ABCD3: variants seen among roughly 807,000 people sequenced by gnomAD.
ABCD3 encodes ATP-binding cassette sub-family D member 3.
In ABCD3, 41 loss-of-function variants were observed where a neutral mutation model predicts 105.5. The observed-to-expected ratio is 0.39, with a 90% CI of 0.30 to 0.50. ABCD3 has a LOEUF of 0.50. Among genes scored for constraint, ABCD3 ranks in the 20% least tolerant of loss-of-function variants. The probability of loss-of-function intolerance (pLI) is 0.84; values close to 1 mark genes in which losing one functional copy is unlikely to be tolerated. For synonymous variants in ABCD3, 258 were observed against 269.0 expected (o/e 0.96, Z 0.40); for missense variants, 622 against 806.3 (o/e 0.77, Z 2.77).
intron 1 of ABCD3, among the ~76,000 whole-genome samples, chr1:94,440,266 G>A (rs912245597): frequency 1.7e-4 from 26 of 152,180 alleles, no homozygotes; most frequent in African/African-American, 5.8e-4. Flanking sequence ...TTTGATTTAG[G>A]ATAACTTTTC....
the ABCD3 span, among the ~76,000 whole-genome samples, chr1:94,413,055 A>T: frequency 1.5e-4 from 23 of 150,632 alleles, no homozygotes; most frequent in Non-Finnish European, 2.5e-4. Context: ...AATCACAAAA[A>T]AAATGTTTAA....
At position 94,458,643 on chromosome 1, in the gene ABCD3, G is replaced by A; in HGVS notation, c.147G>A (p.Glu49=). ...KSGKPPLQNN[E]KEGKKERAVV... ...GAAAACCACCATTACAGAACAATGA[G>A]GTAAAAGTTTAAATCATCTTCTTTT... Residue 49 remains glutamate (E), a splice_region_variant and synonymous_variant, in exon 2 of 23, where the codon GAG becomes GAA. Coordinates refer to ENST00000370214, the MANE Select transcript of ABCD3 (RefSeq NM_002858.4). 5 of 1,610,940 alleles carry A rather than the reference G, an allele frequency of 3.1e-6. No individual in the cohort carries two copies. Among genetic ancestry groups the A allele is most frequent in the Non-Finnish European group, 4.2e-6 (5 of 1,177,830 alleles).
At chr1:94,395,867 CAGAG>C in the ABCD3 span, among the ~76,000 whole-genome samples, 7 of 151,600 alleles carry the variant, frequency 4.6e-5, no homozygotes, top group Admixed American at 3.9e-4. Flanking sequence ...AAGAGACACA[CAGAG>C]AGACAGACAG....
intron 18 of ABCD3, 29 bp downstream of exon 18, chr1:94,498,877 C>A (rs1283377760): frequency 6.2e-7 from 1 of 1,609,232 alleles, no homozygotes; most frequent in Non-Finnish European, 8.5e-7. Flanking sequence ...TATCTTTGAT[C>A]TAAAGATCTT....
rs541620293 is a variant in ABCD3, at chr1:94,439,687, T to C, written c.111-18920T>C. On this transcript the variant is annotated intron_variant, in intron 1 of 22. Coordinates refer to ENST00000370214, the MANE Select transcript of ABCD3 (RefSeq NM_002858.4). ...ATGAAATTGTATATTTGTATATAAT[T>C]TGTATATTTACTTTCATGTTTTATC... Among the ~76,000 whole-genome samples, 5 of 152,362 alleles carry C rather than the reference T, an allele frequency of 3.3e-5. No homozygotes were observed. In the South Asian group the frequency reaches 1.0e-3, roughly 32 times the overall value.
chr1:94,511,213 C>CT (rs1330176164), intron 21 of ABCD3, among the ~76,000 whole-genome samples: 4 of 151,884 alleles, frequency 2.6e-5, no homozygotes, highest in Non-Finnish European at 5.9e-5. Flanking sequence ...TCAGCATTTG[C>CT]TTGTCTGTAA....
chr1:94,461,810 G>A (rs1647885983), intron 2 of ABCD3, among the ~76,000 whole-genome samples: 1 of 152,074 alleles, frequency 6.6e-6, no homozygotes, highest in African/African-American at 2.4e-5. Flanking sequence ...TATATTTGTA[G>A]GGTAAGTTCC....
chr1:94,497,630 T>A (rs752628611), intron 16 of ABCD3, among the ~76,000 whole-genome samples: 27 of 152,228 alleles, frequency 1.8e-4, no homozygotes, highest in Non-Finnish European at 2.8e-4. Flanking sequence ...TAGTGACACT[T>A]GTATATATTT....
At chr1:94,404,540 A>C in the ABCD3 span, among the ~76,000 whole-genome samples, 1 of 151,988 alleles carries the variant, frequency 6.6e-6, no homozygotes, top group Non-Finnish European at 1.5e-5. Flanking sequence ...TTATTCATTG[A>C]ATTTCATTTC....
At chr1:94,445,781 G>A (rs1198283102) in intron 1 of ABCD3, among the ~76,000 whole-genome samples, 2 of 152,148 alleles carry the variant, frequency 1.3e-5, no homozygotes, top group African/African-American at 4.8e-5. Context: ...CTCTTAAAAA[G>A]GTGATTGCAG....
At chr1:94,399,332 C>T in the ABCD3 span, among the ~76,000 whole-genome samples, 1 of 152,236 alleles carries the variant, frequency 6.6e-6, no homozygotes, top group East Asian at 1.9e-4. Flanking sequence ...CAGTAGATAA[C>T]TGTGTAATCT....
intron 20 of ABCD3, among the ~76,000 whole-genome samples, chr1:94,503,994 C>T (rs1448103629): frequency 6.9e-6 from 1 of 145,334 alleles, no homozygotes; most frequent in East Asian, 2.1e-4. Context: ...CTTACTATAA[C>T]CTCCACCTCC....
chr1:94,510,150 C>G (rs1650590435), intron 21 of ABCD3, among the ~76,000 whole-genome samples: 1 of 152,136 alleles, frequency 6.6e-6, no homozygotes, highest in African/African-American at 2.4e-5. Context: ...TCCCTCTACA[C>G]ACTGCTTTGA....
intron 16 of ABCD3, among the ~76,000 whole-genome samples, chr1:94,496,451 TTGTGTGTGTG>T (rs57988079): frequency 6.7e-6 from 1 of 149,422 alleles, no homozygotes; most frequent in Non-Finnish European, 1.5e-5. Flanking sequence ...TGCCATTTCA[TTGTGTGTGTG>T]TGTGTGTGTG....
the ABCD3 span, among the ~76,000 whole-genome samples, chr1:94,411,969 T>C: frequency 1.3e-5 from 2 of 152,152 alleles, no homozygotes; most frequent in African/African-American, 4.8e-5. Flanking sequence ...TGAAAGCTGA[T>C]TGATGGTTGC....
intron 1 of ABCD3, among the ~76,000 whole-genome samples, chr1:94,449,873 G>A (rs1174853583): frequency 6.6e-6 from 1 of 152,188 alleles, no homozygotes; most frequent in Non-Finnish European, 1.5e-5. Context: ...CGGTATGGTG[G>A]CACCTCAACC....
intron 4 of ABCD3, among the ~76,000 whole-genome samples, chr1:94,469,719 G>T (rs1342702222): frequency 1.2e-4 from 17 of 137,484 alleles, no homozygotes; most frequent in African/African-American, 3.7e-4. Flanking sequence ...AGGCTGGAGT[G>T]CAGCGGCGCG....
chr1:94,466,500 T>C (rs1285679989), intron 3 of ABCD3, among the ~76,000 whole-genome samples: 1 of 152,200 alleles, frequency 6.6e-6, no homozygotes, highest in Non-Finnish European at 1.5e-5. Flanking sequence ...TTTAATACCA[T>C]CTGCTTAGGA....
intron 10 of ABCD3, among the ~76,000 whole-genome samples, chr1:94,486,323 A>G (rs1398643708): frequency 6.6e-6 from 1 of 152,196 alleles, no homozygotes; most frequent in African/African-American, 2.4e-5. Flanking sequence ...TCCCCTTTGG[A>G]TACCGAGGGA....
Sources: allele counts gnomAD v4.1 joint callset (sites outside exome capture counted in the v4.1 genomes callset), GRCh38; gene constraint gnomAD v4.1.1; transcripts MANE v1.5; gene names NCBI Gene and HGNC (gene_info 2026-07-23, HGNC 2026-07-21).